ARB2A: variants seen among roughly 807,000 people sequenced by gnomAD.
The protein encoded by ARB2A is cotranscriptional regulator ARB2A.
At chr5:93,812,673 T>C in the ARB2A span, among the ~76,000 whole-genome samples, 2 of 152,182 alleles carry the variant, frequency 1.3e-5, no homozygotes, top group Non-Finnish European at 2.9e-5. Flanking sequence ...ATAGGCATAT[T>C]AGAAGTTTAA....
At chr5:94,039,006 T>A in the ARB2A span, among the ~76,000 whole-genome samples, 2 of 152,180 alleles carry the variant, frequency 1.3e-5, no homozygotes, top group Non-Finnish European at 2.9e-5. Context: ...TTTTAGTGCT[T>A]CTATGTCCAA....
the ARB2A span, among the ~76,000 whole-genome samples, chr5:93,965,900 T>C: frequency 1.3e-5 from 2 of 152,070 alleles, no homozygotes; most frequent in African/African-American, 4.8e-5. Context: ...AACAGTATAT[T>C]AGATGTATGC....
the ARB2A span, among the ~76,000 whole-genome samples, chr5:94,109,878 C>CT: frequency 2.7e-3 from 257 of 96,212 alleles, 4 homozygotes; most frequent in Middle Eastern, 5.4e-3. Flanking sequence ...CTCTATACCT[C>CT]TTTTTTTTTT....
chr5:93,950,599 T>C, the ARB2A span, among the ~76,000 whole-genome samples: 1 of 151,238 alleles, frequency 6.6e-6, no homozygotes, highest in Non-Finnish European at 1.5e-5. Context: ...GCTGAGCTTG[T>C]GCCACTGCAC....
the ARB2A span, among the ~76,000 whole-genome samples, chr5:93,638,680 T>A: frequency 6.7e-6 from 1 of 149,862 alleles, no homozygotes; most frequent in African/African-American, 2.5e-5. Flanking sequence ...AAAAAAAAAA[T>A]TAGCCAGGTG....
the ARB2A span, among the ~76,000 whole-genome samples, chr5:94,092,219 G>A: frequency 6.6e-6 from 1 of 151,980 alleles, no homozygotes; most frequent in Non-Finnish European, 1.5e-5. Flanking sequence ...GGTGGCACAT[G>A]CCTGTGGTCC....
At chr5:93,782,983 G>A in the ARB2A span, among the ~76,000 whole-genome samples, 1 of 152,212 alleles carries the variant, frequency 6.6e-6, no homozygotes, top group Admixed American at 6.5e-5. Flanking sequence ...GAATTCAACT[G>A]CTGTCTAGTC....
the ARB2A span, among the ~76,000 whole-genome samples, chr5:93,845,978 T>C: frequency 6.9e-6 from 1 of 144,570 alleles, no homozygotes; most frequent in Non-Finnish European, 1.5e-5. Flanking sequence ...CCAGAGAACA[T>C]ATTTTCTCTC....
At chr5:93,761,367 G>T in the ARB2A span, among the ~76,000 whole-genome samples, 1 of 152,296 alleles carries the variant, frequency 6.6e-6, no homozygotes, top group Admixed American at 6.5e-5. Flanking sequence ...CTAATACTGT[G>T]CTTTTCCAAT....
the ARB2A span, among the ~76,000 whole-genome samples, chr5:93,975,715 C>T: frequency 6.6e-6 from 1 of 151,974 alleles, no homozygotes; most frequent in Non-Finnish European, 1.5e-5. Context: ...AAACACACAA[C>T]CTCCCAAGAT....
chr5:93,677,980 C>T, the ARB2A span, among the ~76,000 whole-genome samples: 4 of 152,142 alleles, frequency 2.6e-5, no homozygotes, highest in Non-Finnish European at 1.5e-5. Context: ...TGAGCATGAT[C>T]GCAAAGCACA....
chr5:93,822,804 G>A, the ARB2A span, among the ~76,000 whole-genome samples: 33 of 152,092 alleles, frequency 2.2e-4, no homozygotes, highest in South Asian at 4.2e-4. Flanking sequence ...GTTAAAATTA[G>A]TTGAAAATAA....
At chr5:94,022,026 G>A in the ARB2A span, among the ~76,000 whole-genome samples, 1 of 152,116 alleles carries the variant, frequency 6.6e-6, no homozygotes, top group African/African-American at 2.4e-5. Context: ...AGCCAAGATC[G>A]TGCCACTGTA....
the ARB2A span, among the ~76,000 whole-genome samples, chr5:93,726,231 G>A: frequency 2.6e-5 from 4 of 151,992 alleles, no homozygotes; most frequent in Non-Finnish European, 4.4e-5. Flanking sequence ...ACACAAGGAC[G>A]ATGGTGGACA....
At chr5:93,630,282 G>A in the ARB2A span, among the ~76,000 whole-genome samples, 4 of 152,172 alleles carry the variant, frequency 2.6e-5, no homozygotes, top group South Asian at 2.1e-4. Flanking sequence ...TGAATGGGGC[G>A]TGATGGGGTG....
At chr5:93,664,780 A>G in the ARB2A span, among the ~76,000 whole-genome samples, 6 of 152,104 alleles carry the variant, frequency 3.9e-5, no homozygotes, top group Non-Finnish European at 7.4e-5. Flanking sequence ...AGACCTTAAC[A>G]GTAAAAGCAG....
chr5:93,683,577 G>A, the ARB2A span: 4 of 1,447,644 alleles, frequency 2.8e-6, no homozygotes, highest in Admixed American at 5.0e-5. Flanking sequence ...GCCCTAAACT[G>A]GCCGTTCTTA....
chr5:93,846,533 C>T, the ARB2A span, among the ~76,000 whole-genome samples: 7 of 151,662 alleles, frequency 4.6e-5, no homozygotes, highest in African/African-American at 9.7e-5. Flanking sequence ...AATAAAACAA[C>T]GACTGGAGAA....
At chr5:93,762,885 G>T in the ARB2A span, among the ~76,000 whole-genome samples, 3 of 152,224 alleles carry the variant, frequency 2.0e-5, no homozygotes, top group African/African-American at 7.2e-5. Flanking sequence ...GAAGAGAGTG[G>T]GGGCCAATAT....
Sources: allele counts gnomAD v4.1 joint callset (sites outside exome capture counted in the v4.1 genomes callset), GRCh38; gene constraint gnomAD v4.1.1; transcripts MANE v1.5; gene names NCBI Gene and HGNC (gene_info 2026-07-23, HGNC 2026-07-21).